The following ADPRHL1 variants were observed in gnomAD, a reference collection of about 807,000 sequenced individuals.
ADPRHL1 encodes inactive ADP-ribosyltransferase ARH2.
In ADPRHL1, 43 loss-of-function variants were observed where a neutral mutation model predicts 44.1. The observed-to-expected ratio is 0.98, with a 90% CI of 0.76 to 1.26. ADPRHL1 has a LOEUF of 1.26. ADPRHL1 is among the 50% of genes most tolerant of loss of function. The pLI is 0.00. For synonymous variants in ADPRHL1, 878 were observed against 1,017.4 expected (o/e 0.86, Z 2.61); for missense variants, 2,022 against 2,496.9 (o/e 0.81, Z 4.05).
intron 7 of ADPRHL1, among the ~76,000 whole-genome samples, chr13:113,414,287 G>A (rs916461958): frequency 1.3e-5 from 2 of 152,186 alleles, no homozygotes; most frequent in African/African-American, 4.8e-5. Flanking sequence ...GGATGCCCTC[G>A]GCCAACAGCG....
Position 113,406,901 on chromosome 13 carries a change from G to A in ADPRHL1, c.2381C>T (p.Ala794Val). 1 of 1,232,228 alleles carries A rather than the reference G, an allele frequency of 8.1e-7. No homozygotes were observed. The highest frequency in any genetic ancestry group is 4.2e-5 in the Admixed American group (1 of 23,728). The allele number at this position is 1,232,228 out of a possible 1,614,324, so 76.3% of individuals were successfully genotyped here. ...GTCTCTCCCTGGGTCTGGGAAGCCT[G>A]CTCCTTCCCTTTCATCCTCTGAACT... Reference protein sequence around the residue: ...VCSSEDEREGAGFPDPGRDPL... With the variant: ...VCSSEDEREGVGFPDPGRDPL... The change falls in exon 8 of 8, where the codon GCA (alanine) becomes GTA (valine). Residue 794 changes from alanine (A) to valine (V), a missense_variant. Ala to Val is a moderately conservative substitution (Grantham distance 64). Coordinates refer to ENST00000612156, the MANE Select transcript of ADPRHL1 (RefSeq NM_001394807.1).
In ADPRHL1 at chr13:113,405,329, G is replaced by GGGACTGCGGGAA; in HGVS notation, c.3952_3953insTTCCCGCAGTCC (p.Leu1314_Val1317dup). The GGGACTGCGGGAA allele has an allele frequency of 2.4e-6, 3 of 1,231,834 alleles. No homozygotes were observed. The highest frequency in any genetic ancestry group is 3.0e-6 in the Non-Finnish European group (3 of 988,060). The allele number at this position is 1,231,834 out of a possible 1,614,324, so 76.3% of individuals were successfully genotyped here. On this transcript the variant is annotated inframe_insertion, in exon 8 of 8. Transcript: ENST00000612156. Reference sequence around the variant, plus strand: ...CCACCCCATGTCCACCTCCGCGGGAGGCACTGCGGGAAGCAGATGGTCAGG... The same window carrying GGGACTGCGGGAA: ...CCACCCCATGTCCACCTCCGCGGGAGGGACTGCGGGAAGCACTGCGGGAAGCAGATGGTCAGG...
At chr13:113,434,929 CCGG>C (rs2044038636) in intron 2 of ADPRHL1, among the ~76,000 whole-genome samples, 5 of 126,524 alleles carry the variant, frequency 4.0e-5, no homozygotes, top group African/African-American at 1.2e-4. Context: ...ACCCCGGGAC[CCGG>C]CACCCAGGTG....
intron 1 of ADPRHL1, 120 bp from the exon 2 acceptor site, chr13:113,444,709 G>A: frequency 8.0e-7 from 1 of 1,250,270 alleles, no homozygotes; most frequent in Non-Finnish European, 1.1e-6. Flanking sequence ...TGCAAACTCT[G>A]CCTCCCGGGT....
At chr13:113,421,723 T>G (rs770323285) in intron 7 of ADPRHL1, among the ~76,000 whole-genome samples, 1 of 152,140 alleles carries the variant, frequency 6.6e-6, no homozygotes, top group Non-Finnish European at 1.5e-5. Flanking sequence ...ATCACCACTT[T>G]CCCCTTTCAA....
In ADPRHL1 at chr13:113,433,771, C is replaced by T. The variant is rs748573695; in HGVS notation, c.476G>A (p.Cys159Tyr). 1.3e-6 allele frequency: 2 copies of T among 1,595,976 alleles called. No individual in the cohort carries two copies. Among genetic ancestry groups the T allele is most frequent in the South Asian group, 1.1e-5 (1 of 88,264 alleles). The change falls in exon 3 of 8, where the codon TGC becomes TAC. Residue 159 changes from cysteine (C) to tyrosine (Y), a missense_variant. Cys to Tyr is a radical substitution (Grantham distance 194). Coordinates refer to ENST00000612156, the MANE Select transcript of ADPRHL1 (RefSeq NM_001394807.1). Reference sequence around the variant, plus strand: ...GGGATGGTTGTGGGTCATCCGGCCGCACTCCACGCTGACCTCGATGAGGGT... The same window carrying T: ...GGGATGGTTGTGGGTCATCCGGCCGTACTCCACGCTGACCTCGATGAGGGT... The part of the protein sequence containing the change: ...LETLIEVSVE[C>Y]GRMTHNHPTG...
chr13:113,438,450 T>C (rs1462977489), intron 2 of ADPRHL1, among the ~76,000 whole-genome samples: 1 of 152,152 alleles, frequency 6.6e-6, no homozygotes, highest in African/African-American at 2.4e-5. Flanking sequence ...TCCCAGCACT[T>C]TGGGAGGCCA....
At position 113,404,846 on chromosome 13, in the gene ADPRHL1, G is replaced by A. The variant is rs922372448; in HGVS notation, c.4436C>T (p.Pro1479Leu). 3.8e-5 allele frequency: 48 copies of A among 1,247,764 alleles called. No individual in the cohort carries two copies. The highest frequency in any genetic ancestry group is 3.1e-4 in the Middle Eastern group (1 of 3,254). 77.3% of individuals were successfully genotyped at this position (1,247,764 alleles called of 1,614,324 possible). A position where few individuals can be genotyped will look rare whatever the true frequency, so the allele number is the denominator to read the frequency against. The change falls in exon 8 of 8, where the codon CCG becomes CTG. Residue 1479 changes from proline to leucine, a missense_variant. Coordinates refer to ENST00000612156, the MANE Select transcript of ADPRHL1 (RefSeq NM_001394807.1). ...PAVPPGEPEGPGSPAAQGQAQ... is the reference protein window; with the variant it reads ...PAVPPGEPEGLGSPAAQGQAQ... The stretch of plus-strand genomic sequence containing the variant: ...CTGTCCTTGGGCTGCCGGGCTTCCC[G>A]GCCCCTCGGGCTCCCCTGGAGGCAC...
At chr13:113,445,876 C>T (rs947097448) in intron 1 of ADPRHL1, among the ~76,000 whole-genome samples, 1 of 152,052 alleles carries the variant, frequency 6.6e-6, no homozygotes, top group African/African-American at 2.4e-5. Context: ...TGGCTGCAAA[C>T]CCCTGGAGAG....
At chr13:113,413,456 C>T (rs2043870375) in intron 7 of ADPRHL1, among the ~76,000 whole-genome samples, 1 of 152,246 alleles carries the variant, frequency 6.6e-6, no homozygotes, top group African/African-American at 2.4e-5. Flanking sequence ...CAGGAACGCC[C>T]CCAAGTCATG....
chr13:113,433,825 A>T lies in ADPRHL1; in HGVS notation c.422T>A (p.Leu141Gln), dbSNP rs2044025629. 3.8e-6 allele frequency: 6 copies of T among 1,576,948 alleles called. No homozygotes were observed. The East Asian group carries it at 1.4e-4, about 37-fold the overall frequency. ...CAGCCGCTCAGGCTTCCAGTACCGC[A>T]GGCCGATGCACATGGCCTTGGTGGC... ...GAATKAMCIG[L>Q]RYWKPERLET... The change falls in exon 3 of 8, where the codon CTG becomes CAG. Residue 141 changes from leucine (L) to glutamine (Q), a missense_variant. This residue lies in a region of ADPRHL1 where 437 missense variants were observed against 430.7 expected (regional missense o/e 1.01). Coordinates refer to ENST00000612156, the MANE Select transcript of ADPRHL1 (RefSeq NM_001394807.1).
In ADPRHL1 at chr13:113,429,000, C is replaced by G. The variant is rs763157942; in HGVS notation, c.598G>C (p.Val200Leu). The change falls in exon 4 of 8, where the codon GTG (valine) becomes CTG (leucine). Residue 200 changes from valine to leucine, a missense_variant. Physicochemically the swap from Val to Leu is conservative, Grantham distance 32. Around this residue, in one of 8 missense-constraint regions of ADPRHL1, gnomAD observed 437 missense variants for 430.7 expected, o/e 1.01. Coordinates refer to ENST00000612156, the MANE Select transcript of ADPRHL1 (RefSeq NM_001394807.1). ...VQWGRDMLRAVPLAEEYCRKT... is the reference protein window; with the variant it reads ...VQWGRDMLRALPLAEEYCRKT... ...CTGCAGTACTCTTCTGCCAGAGGCA[C>G]CGCCCGCAGCATGTCTCTCCCCCAC... The G allele has an allele frequency of 1.2e-6, 2 of 1,612,864 alleles. No individual in the cohort carries two copies. Among genetic ancestry groups the G allele is most frequent in the East Asian group, 4.5e-5 (2 of 44,870 alleles).
intron 7 of ADPRHL1, among the ~76,000 whole-genome samples, chr13:113,414,787 T>C (rs1038860782): frequency 1.3e-5 from 2 of 151,974 alleles, no homozygotes; most frequent in African/African-American, 4.8e-5. Flanking sequence ...GCCATTCTCC[T>C]GCCTCAGCCT....
Position 113,408,051 on chromosome 13 carries a change from TC to T in ADPRHL1, c.1230del (p.Ser411AlafsTer44). 1 of 1,232,248 alleles carries T rather than the reference TC, an allele frequency of 8.1e-7. No individual in the cohort carries two copies. The highest frequency in any genetic ancestry group is 1.0e-6 in the Non-Finnish European group (1 of 988,260). 76.3% of individuals were successfully genotyped at this position (1,232,248 alleles called of 1,614,324 possible). Reference sequence around the variant, plus strand: ...GTCTGGGGCTGGTGGCTGGGCCTGCTCCCCCCGGCCTCTGTCCCCGGGGGCC... The same window carrying T: ...GTCTGGGGCTGGTGGCTGGGCCTGCTCCCCCGGCCTCTGTCCCCGGGGGCC... ...ADRPPGTEAG[G>X]SRPSHQPQTQ... On this transcript the variant is annotated frameshift_variant, in exon 8 of 8. Coordinates refer to ENST00000612156, the MANE Select transcript of ADPRHL1 (RefSeq NM_001394807.1). LOFTEE classifies it low-confidence loss of function (END_TRUNC).
At chr13:113,446,763 C>T (rs946183928) in intron 1 of ADPRHL1, among the ~76,000 whole-genome samples, 7 of 151,754 alleles carry the variant, frequency 4.6e-5, no homozygotes, top group Non-Finnish European at 5.9e-5. Flanking sequence ...TTACATGCAC[C>T]GTGTTGTCAT....
Position 113,402,018 on chromosome 13 carries a change from A to C in ADPRHL1, c.*1360T>G, listed in dbSNP as rs963024963. 13 of 152,410 alleles carry C rather than the reference A, an allele frequency of 8.5e-5. No homozygotes were observed. Among genetic ancestry groups the C allele is most frequent in the African/African-American group, 3.1e-4 (13 of 41,598 alleles). 9.4% of individuals were successfully genotyped at this position (152,410 alleles called of 1,614,324 possible). On this transcript the variant is annotated 3_prime_UTR_variant, in exon 8 of 8. Transcript: ENST00000612156. ...CACCAAAGCGCCTTTGCGAACGCTTAGGGCTGTTTCAGGAAACCGCTCAGT... is the reference window on the plus strand; with the variant it reads ...CACCAAAGCGCCTTTGCGAACGCTTCGGGCTGTTTCAGGAAACCGCTCAGT...
chr13:113,446,091 CAG>C lies in ADPRHL1; in HGVS notation c.215-1504_215-1503del, dbSNP rs896171051. The stretch of plus-strand genomic sequence containing the variant: ...CTGCAAACCTCCTCACCTCCTACCA[CAG>C]AGAGAGTACGCAGGGCCCCACAGCT... On this transcript the variant is annotated intron_variant, in intron 1 of 7. Coordinates refer to ENST00000612156, the MANE Select transcript of ADPRHL1 (RefSeq NM_001394807.1). Among the ~76,000 whole-genome samples, 18 of 147,556 alleles carry C rather than the reference CAG, an allele frequency of 1.2e-4. No homozygotes were observed. The South Asian group carries it at 2.6e-3, about 21-fold the overall frequency.
In ADPRHL1 at chr13:113,420,721, G is replaced by A. The variant is rs144755951; in HGVS notation, c.1061+2105C>T. ...TCCAGTTATTCGGAAGCTCAGCACG[G>A]AGCCACATTGCTGCAGCATAGAAGG... On this transcript the variant is annotated intron_variant, in intron 7 of 7. Coordinates refer to ENST00000612156, the MANE Select transcript of ADPRHL1 (RefSeq NM_001394807.1). Among the ~76,000 whole-genome samples, 18 of 152,118 alleles carry A rather than the reference G, an allele frequency of 1.2e-4. No homozygotes were observed. In the East Asian group the frequency reaches 3.5e-3, roughly 29 times the overall value.
In ADPRHL1 at chr13:113,413,443, C is replaced by T. The variant is rs547389263; in HGVS notation, c.1062-5223G>A. ...TCCCCACAAAGGGGAACAGCGTGGACGCCAGGAACGCCCCCAAGTCATGGA... is the reference window on the plus strand; with the variant it reads ...TCCCCACAAAGGGGAACAGCGTGGATGCCAGGAACGCCCCCAAGTCATGGA... On this transcript the variant is annotated intron_variant, in intron 7 of 7. Coordinates refer to ENST00000612156, the MANE Select transcript of ADPRHL1 (RefSeq NM_001394807.1). 2.8e-3 allele frequency among the ~76,000 whole-genome samples: 433 copies of T among 152,324 alleles called. 2 individuals carry two copies. Among genetic ancestry groups the T allele is most frequent in the African/African-American group, 9.6e-3 (399 of 41,580 alleles).
Sources: gnomAD v4.1 joint callset for allele counts (sites outside exome capture counted in the v4.1 genomes callset) on GRCh38, gnomAD v4.1.1 for gene constraint, gnomAD v4.1.1 regional missense constraint, MANE v1.5 for transcripts, NCBI Gene and HGNC (gene_info 2026-07-23, HGNC 2026-07-21) for gene names.